Variants in ANKRD11 observed in about 807,000 individuals in gnomAD.
ANKRD11 encodes the protein ankyrin repeat domain 11, also known as ankyrin repeat domain-containing protein 11.
In ANKRD11, 17 loss-of-function variants were observed where a neutral mutation model predicts 195.7. The ratio of observed to expected loss-of-function variants is 0.09; its 90% CI spans 0.06 to 0.13. The LOEUF is 0.13. ANKRD11 is among the 10% of genes least tolerant of loss of function. The pLI, the probability that ANKRD11 is intolerant of heterozygous loss-of-function variation, is 1.00. For missense variants in ANKRD11, 3,735 were observed against 3,566.1 expected, an observed-to-expected ratio of 1.05 and a Z score of -1.21; for synonymous variants, 1,953 against 1,528.1, an observed-to-expected ratio of 1.28 and a Z score of -6.49.
intron 2 of ANKRD11, among the ~76,000 whole-genome samples, chr16:89,362,103 A>G (rs1172223373): frequency 1.3e-5 from 2 of 152,258 alleles, no homozygotes; most frequent in African/African-American, 4.8e-5. Flanking sequence ...AAGTTTCAAC[A>G]TGAGATACAA....
At chr16:89,348,884 A>AC (rs1018884483) in intron 2 of ANKRD11, among the ~76,000 whole-genome samples, 2 of 151,276 alleles carry the variant, frequency 1.3e-5, no homozygotes, top group African/African-American at 4.8e-5. Context: ...AAAAAAAAAA[A>AC]AAAAACACCC....
At chr16:89,343,306 T>TA (rs1293351926) in intron 2 of ANKRD11, among the ~76,000 whole-genome samples, 1 of 152,220 alleles carries the variant, frequency 6.6e-6, no homozygotes, top group African/African-American at 2.4e-5. Context: ...GCGCATTTTT[T>TA]AAAAAGCAAT....
chr16:89,278,286 G>A (rs1384571964), intron 9 of ANKRD11: 1 of 351,102 alleles, frequency 2.8e-6, no homozygotes, highest in Non-Finnish European at 5.6e-6. Context: ...GAATCCCTGT[G>A]CCTGCTGGGA....
At chr16:89,272,012 G>C (rs4290474) in intron 11 of ANKRD11, 26,729 of 151,868 alleles carry the variant, frequency 0.18, 2,970 homozygotes, top group East Asian at 0.43. Context: ...AGATTCTCAA[G>C]CAGAACATAG....
intron 1 of ANKRD11, among the ~76,000 whole-genome samples, chr16:89,464,969 T>A (rs890437789): frequency 1.3e-5 from 2 of 152,240 alleles, no homozygotes; most frequent in African/African-American, 4.8e-5. Context: ...ATGTCTTTTT[T>A]AGACAGTCCA....
chr16:89,304,641 T>C (rs2036066748), intron 4 of ANKRD11, among the ~76,000 whole-genome samples: 1 of 150,714 alleles, frequency 6.6e-6, no homozygotes, highest in African/African-American at 2.4e-5. Flanking sequence ...CATGAGGGCA[T>C]GCACACAGAT....
intron 1 of ANKRD11, among the ~76,000 whole-genome samples, chr16:89,446,402 G>A (rs79860948): frequency 0.041 from 6,259 of 152,140 alleles, 251 homozygotes; most frequent in East Asian, 0.2. Flanking sequence ...CCTGGAGTTC[G>A]AGACCAGCCT....
At chr16:89,488,812 T>C (rs2057706506) in intron 1 of ANKRD11, among the ~76,000 whole-genome samples, 1 of 152,224 alleles carries the variant, frequency 6.6e-6, no homozygotes, top group African/African-American at 2.4e-5. Flanking sequence ...CTCTAATGAC[T>C]GCATAAAACT....
At chr16:89,484,935 A>T (rs2057555411) in intron 1 of ANKRD11, among the ~76,000 whole-genome samples, 1 of 152,214 alleles carries the variant, frequency 6.6e-6, no homozygotes, top group African/African-American at 2.4e-5. Flanking sequence ...ACAGGCCTGG[A>T]AACAGGTCTC....
chr16:89,280,117 G>T lies in ANKRD11; in HGVS notation c.6425C>A (p.Pro2142His). ...DLGPFSLPELPLQTKDAADGE... is the reference protein window; with the variant it reads ...DLGPFSLPELHLQTKDAADGE... The stretch of plus-strand genomic sequence containing the variant: ...ATCTGCGGCATCTTTAGTCTGCAGG[G>T]GAAGCTCCGGCAGGGAGAAGGGCCC... The change falls in exon 9 of 13, where the codon CCC (proline) becomes CAC (histidine). Residue 2142 changes from proline (P) to histidine (H), a missense_variant. Coordinates refer to ENST00000301030, the MANE Select transcript of ANKRD11 (RefSeq NM_013275.6). The T allele has an allele frequency of 6.2e-7, 1 of 1,612,670 alleles. No homozygotes were observed. The highest frequency in any genetic ancestry group is 1.1e-5 in the South Asian group (1 of 91,026).
chr16:89,422,795 C>T (rs1230625476), intron 1 of ANKRD11, among the ~76,000 whole-genome samples: 2 of 152,202 alleles, frequency 1.3e-5, no homozygotes, highest in Non-Finnish European at 1.5e-5. Flanking sequence ...CCTTTTCTCC[C>T]CTAAGAGAAT....
chr16:89,344,755 G>A (rs540404633), intron 2 of ANKRD11, among the ~76,000 whole-genome samples: 2 of 152,286 alleles, frequency 1.3e-5, no homozygotes, highest in South Asian at 2.1e-4. Flanking sequence ...CGGAGGGCAC[G>A]GGAGCACAGC....
chr16:89,275,070 C>T, intron 10 of ANKRD11, 23 bp downstream of exon 10: 7 of 1,612,520 alleles, frequency 4.3e-6, no homozygotes, highest in Middle Eastern at 3.3e-4. Context: ...GTGGCGCCCC[C>T]CTGCCTGTGC....
chr16:89,432,873 A>G (rs1452331878), intron 1 of ANKRD11, among the ~76,000 whole-genome samples: 1 of 151,536 alleles, frequency 6.6e-6, no homozygotes, highest in Non-Finnish European at 1.5e-5. Flanking sequence ...GAATCACTTG[A>G]GCCTGTGAGG....
intron 12 of ANKRD11, chr16:89,270,261 C>T (rs1295768959): frequency 4.7e-6 from 1 of 211,272 alleles, no homozygotes; most frequent in Admixed American, 5.3e-5. Context: ...GAGCCTGATA[C>T]TGCAGGTAGC....
Position 89,283,264 on chromosome 16 carries a change from C to A in ANKRD11, c.3278G>T (p.Gly1093Val). 6.2e-7 allele frequency: 1 copy of A among 1,614,088 alleles called. No homozygotes were observed. The highest frequency in any genetic ancestry group is 8.5e-7 in the Non-Finnish European group (1 of 1,180,020). The change falls in exon 9 of 13, where the codon GGG becomes GTG. Residue 1093 changes from glycine (G) to valine (V), a missense_variant. Physicochemically the swap from Gly to Val is moderately radical, Grantham distance 109. Transcript: ENST00000301030. The surrounding 1 kb of genome is among the most constrained non-coding windows in gnomAD (Gnocchi z 4.3). ...GKEKKEKAFP[G>V]IISEDFSEKK... ...TTCAGAGAAGTCTTCTGAGATGATC[C>A]CAGGGAAAGCCTTCTCCTTCTTCTC... is the stretch of plus-strand genomic sequence containing the variant.
At chr16:89,301,011 A>G in intron 4 of ANKRD11, 1 of 623,648 alleles carries the variant, frequency 1.6e-6, no homozygotes, top group South Asian at 1.8e-5. Flanking sequence ...GGCGCAGGAG[A>G]AACAGCGGGG....
intron 1 of ANKRD11, among the ~76,000 whole-genome samples, chr16:89,483,874 C>T (rs906643342): frequency 6.6e-6 from 1 of 151,510 alleles, no homozygotes; most frequent in Non-Finnish European, 1.5e-5. Context: ...ATATTAAGCT[C>T]TAAAGAACTT....
At chr16:89,456,784 G>A (rs2056456244) in intron 1 of ANKRD11, among the ~76,000 whole-genome samples, 1 of 152,180 alleles carries the variant, frequency 6.6e-6, no homozygotes, top group African/African-American at 2.4e-5. Context: ...CAGTGGCACA[G>A]AGTCAACAGT....
Sources: allele counts gnomAD v4.1 joint callset (sites outside exome capture counted in the v4.1 genomes callset), GRCh38; gene constraint gnomAD v4.1.1; non-coding constraint Gnocchi (gnomAD v3.1); transcripts MANE v1.5; gene names NCBI Gene and HGNC (gene_info 2026-07-23, HGNC 2026-07-21).